Variants in CACNA1C observed in about 807,000 individuals in gnomAD.
CACNA1C encodes calcium voltage-gated channel subunit alpha1 C, also known as voltage-dependent L-type calcium channel subunit alpha-1C.
A neutral mutation model predicts 229.0 loss-of-function variants in CACNA1C; 30 were observed. That is an observed-to-expected ratio of 0.13 (90% CI 0.10 to 0.18). The LOEUF (loss-of-function observed/expected upper bound fraction) is 0.18, where lower values mean the gene tolerates loss of function less well. CACNA1C is among the 10% of genes least tolerant of loss of function. The pLI is 1.00. For missense variants in CACNA1C, 1,658 were observed against 2,845.0 expected (o/e 0.58, Z 9.49); for synonymous variants, 1,114 against 1,132.5 (o/e 0.98, Z 0.33).
chr12:2,358,014 T>TC (rs2097432983), intron 3 of CACNA1C, among the ~76,000 whole-genome samples: 1 of 151,294 alleles, frequency 6.6e-6, no homozygotes, highest in Non-Finnish European at 1.5e-5. Context: ...ATACAGCCCT[T>TC]CCCCACTGGT....
In CACNA1C at chr12:2,633,101, C is replaced by T. The variant is rs563049708; in HGVS notation, c.3829-1196C>T. Among the ~76,000 whole-genome samples the T allele has an allele frequency of 1.5e-4, 23 of 152,302 alleles. No homozygotes were observed. The highest frequency in any genetic ancestry group is 7.8e-4 in the Admixed American group (12 of 15,304). ...TGAGCCCAGATAACCTGCCACCCTG[C>T]GGCCCACATTGATGGCTGTGGTTTT... On this transcript the variant is annotated intron_variant, in intron 29 of 46. Coordinates refer to ENST00000399655, the MANE Select transcript of CACNA1C (RefSeq NM_000719.7). This position sits in a 1 kb window ranked among gnomAD's most constrained non-coding sequence, Gnocchi z 5.8.
At position 2,115,371 on chromosome 12, in the gene CACNA1C, G is replaced by T. The variant is rs1245539924; in HGVS notation, c.197G>T (p.Gly66Val). Residue 66 changes from glycine (G) to valine (V), a missense_variant, in exon 2 of 47, where the codon GGC (glycine) becomes GTC (valine). Around this residue, in one of 20 missense-constraint regions of CACNA1C, gnomAD observed 111 missense variants for 128.0 expected, o/e 0.87. Coordinates refer to ENST00000399655, the MANE Select transcript of CACNA1C (RefSeq NM_000719.7). ...IDAARQAKLM[G>V]SAGNATISTV... is the part of the protein sequence containing the mutation. ...GCAGCCCGGCAGGCTAAGCTGATGG[G>T]CAGCGCTGGCAATGCGACCATCTCC... 1 of 1,604,434 alleles carries T rather than the reference G, an allele frequency of 6.2e-7. No individual in the cohort carries two copies. The highest frequency in any genetic ancestry group is 8.5e-7 in the Non-Finnish European group (1 of 1,177,350).
chr12:2,634,524 G>A (rs1568953238), intron 30 of CACNA1C, 144 bp downstream of exon 30: 1 of 386,716 alleles, frequency 2.6e-6, no homozygotes, highest in Non-Finnish European at 4.6e-6. Flanking sequence ...TGGTTTGAAG[G>A]TTTTTTTTTC....
chr12:2,627,460 C>G (rs546327741), intron 29 of CACNA1C, among the ~76,000 whole-genome samples: 5 of 152,188 alleles, frequency 3.3e-5, no homozygotes, highest in African/African-American at 1.2e-4. Context: ...CCAGTGGGAC[C>G]CAGCTCCTCT....
chr12:2,535,704 TAAAAAAAAAAAAAA>T (rs758857733), intron 9 of CACNA1C, among the ~76,000 whole-genome samples: 15 of 36,536 alleles, frequency 4.1e-4, no homozygotes, highest in East Asian at 1.4e-3. Context: ...AGACCCTGTC[TAAAAAAAAAAAAAA>T]AAAAAAAAAA....
chr12:2,592,937 A>T (rs1282271442), intron 18 of CACNA1C, among the ~76,000 whole-genome samples: 1 of 152,036 alleles, frequency 6.6e-6, no homozygotes, highest in Non-Finnish European at 1.5e-5. Context: ...TTTGCCCAGA[A>T]CTAGGGGGTT....
In CACNA1C at chr12:2,601,794, G is replaced by A; in HGVS notation, c.2854-60G>A. The A allele has an allele frequency of 9.5e-7, 1 of 1,048,650 alleles. No homozygotes were observed. Among genetic ancestry groups the A allele is most frequent in the Non-Finnish European group, 1.5e-6 (1 of 664,260 alleles). 65.0% of individuals were successfully genotyped at this position (1,048,650 alleles called of 1,614,324 possible). A position where few individuals can be genotyped will look rare whatever the true frequency, so the allele number is the denominator to read the frequency against. Reference sequence around the variant, plus strand: ...GCTGTGGGAGGAAGGGGTGGTGTGAGGGGTCTCTGGGCTAGGGCTAGGGCC... The same window carrying A: ...GCTGTGGGAGGAAGGGGTGGTGTGAAGGGTCTCTGGGCTAGGGCTAGGGCC... On this transcript the variant is annotated intron_variant, in intron 21 of 46. Transcript: ENST00000399655. The surrounding 1 kb of genome is among the most constrained non-coding windows in gnomAD (Gnocchi z 5.9).
chr12:2,207,863 G>A (rs1051884718), intron 3 of CACNA1C, among the ~76,000 whole-genome samples: 2 of 151,986 alleles, frequency 1.3e-5, no homozygotes, highest in Admixed American at 6.6e-5. Flanking sequence ...ATTGGCTAGC[G>A]TTTCCCACAG....
rs548567479 is a variant in CACNA1C at position 2,354,044 on chromosome 12, C to T, written c.478-94932C>T. On this transcript the variant is annotated intron_variant, in intron 3 of 46. Transcript: ENST00000399655. The surrounding 1 kb of genome is among the most constrained non-coding windows in gnomAD (Gnocchi z 4.6). ...AATCTGGAGACAAATGCCTGCCCAG[C>T]GACCACTGCAGGGTCCCGGGAGCTG... Among the ~76,000 whole-genome samples, 6 of 152,290 alleles carry T rather than the reference C, an allele frequency of 3.9e-5. No homozygotes were observed. Among genetic ancestry groups the T allele is most frequent in the Admixed American group, 1.3e-4 (2 of 15,304 alleles).
Position 2,602,961 on chromosome 12 carries a change from C to T in CACNA1C, c.2960+1001C>T, listed in dbSNP as rs1003801236. Among the ~76,000 whole-genome samples, 1 of 152,180 alleles carries T rather than the reference C, an allele frequency of 6.6e-6. No individual in the cohort carries two copies. Among genetic ancestry groups the T allele is most frequent in the Non-Finnish European group, 1.5e-5 (1 of 68,032 alleles). On this transcript the variant is annotated intron_variant, in intron 22 of 46. Coordinates refer to ENST00000399655, the MANE Select transcript of CACNA1C (RefSeq NM_000719.7). The surrounding 1 kb of genome is among the most constrained non-coding windows in gnomAD (Gnocchi z 4.4). The stretch of plus-strand genomic sequence containing the variant: ...AAATTTGGAGTTCAGGACATCATGA[C>T]ACTTGCTCAAGGTCACACCTGTGGT...
chr12:2,551,538 T>C (rs1599767664), intron 10 of CACNA1C, among the ~76,000 whole-genome samples: 1 of 151,880 alleles, frequency 6.6e-6, no homozygotes, highest in Non-Finnish European at 1.5e-5. Flanking sequence ...TCTCCCTACC[T>C]CCCACCCCGC....
At chr12:2,006,896 T>G (rs2043566861) in intron 1 of CACNA1C, among the ~76,000 whole-genome samples, 1 of 152,234 alleles carries the variant, frequency 6.6e-6, no homozygotes, top group African/African-American at 2.4e-5. Context: ...TTTGTGACTT[T>G]GTAAATTGGT....
chr12:2,058,839 T>C (rs1441773562), intron 1 of CACNA1C, among the ~76,000 whole-genome samples: 1 of 152,134 alleles, frequency 6.6e-6, no homozygotes, highest in Non-Finnish European at 1.5e-5. Flanking sequence ...ATGAATGCCA[T>C]CATTTGAACT....
At chr12:2,295,589 C>T (rs573302506) in intron 3 of CACNA1C, among the ~76,000 whole-genome samples, 8 of 152,278 alleles carry the variant, frequency 5.3e-5, no homozygotes, top group South Asian at 2.1e-4. Flanking sequence ...GCACAGCTGA[C>T]GGGGCCAAAT....
intron 1 of CACNA1C, among the ~76,000 whole-genome samples, chr12:2,032,682 C>T (rs1381497274): frequency 2.6e-5 from 4 of 152,190 alleles, no homozygotes; most frequent in Non-Finnish European, 4.4e-5. Flanking sequence ...GTGACCTTGT[C>T]TTGTCCTCTG....
intron 3 of CACNA1C, among the ~76,000 whole-genome samples, chr12:2,266,028 T>C (rs936553317): frequency 1.3e-5 from 2 of 152,262 alleles, no homozygotes; most frequent in Non-Finnish European, 1.5e-5. Context: ...TGCCTCATCG[T>C]TGGGCTCCGT....
intron 3 of CACNA1C, among the ~76,000 whole-genome samples, chr12:2,326,834 G>C (rs1168915278): frequency 6.6e-6 from 1 of 152,230 alleles, no homozygotes; most frequent in Non-Finnish European, 1.5e-5. Flanking sequence ...GTACCTGAGA[G>C]ACGATCTGGT....
intron 3 of CACNA1C, among the ~76,000 whole-genome samples, chr12:2,358,929 C>G (rs1198931799): frequency 6.6e-6 from 1 of 152,094 alleles, no homozygotes; most frequent in East Asian, 1.9e-4. Context: ...GCTGCCTTCT[C>G]CCTTTCCTTC....
intron 3 of CACNA1C, among the ~76,000 whole-genome samples, chr12:2,281,171 C>G (rs777962810): frequency 4.7e-5 from 7 of 148,580 alleles, no homozygotes; most frequent in Non-Finnish European, 7.4e-5. Flanking sequence ...TTACTAAACC[C>G]CTTCACATAT....
Sources: gnomAD v4.1 joint callset for allele counts (sites outside exome capture counted in the v4.1 genomes callset) on GRCh38, gnomAD v4.1.1 for gene constraint, gnomAD v4.1.1 regional missense constraint, Gnocchi (gnomAD v3.1) non-coding constraint, MANE v1.5 for transcripts, NCBI Gene and HGNC (gene_info 2026-07-23, HGNC 2026-07-21) for gene names.